ROBO2: variants seen among roughly 807,000 people sequenced by gnomAD.
The protein encoded by ROBO2 is roundabout homolog 2.
A neutral mutation model predicts 160.8 loss-of-function variants in ROBO2; 53 were observed. The ratio of observed to expected loss-of-function variants is 0.33; its 90% CI spans 0.26 to 0.41. The LOEUF (loss-of-function observed/expected upper bound fraction) is 0.41, where lower values mean the gene tolerates loss of function less well. Among genes scored for constraint, ROBO2 ranks in the 10% least tolerant of loss-of-function variants. The pLI, the probability that ROBO2 is intolerant of heterozygous loss-of-function variation, is 1.00. For missense variants in ROBO2, 1,577 were observed against 1,722.4 expected, an observed-to-expected ratio of 0.92 and a Z score of 1.49; for synonymous variants, 664 against 611.7, an observed-to-expected ratio of 1.09 and a Z score of -1.26.
chr3:76,192,908 T>C (rs1702083020), intron 2 of ROBO2, among the ~76,000 whole-genome samples: 1 of 152,172 alleles, frequency 6.6e-6, no homozygotes, highest in African/African-American at 2.4e-5. Flanking sequence ...TAGGTCAATT[T>C]ATGCTGCCCA....
chr3:76,731,478 A>G (rs550175988), intron 2 of ROBO2, among the ~76,000 whole-genome samples: 22 of 152,148 alleles, frequency 1.4e-4, no homozygotes, highest in Non-Finnish European at 2.8e-4. Context: ...TCTAGGACAC[A>G]AAATGTTTTT....
intron 2 of ROBO2, among the ~76,000 whole-genome samples, chr3:77,198,653 C>G (rs1207299361): frequency 6.6e-6 from 1 of 152,148 alleles, no homozygotes; most frequent in African/African-American, 2.4e-5. Context: ...GTAATCCCAG[C>G]AGTTTGGGAG....
At chr3:76,393,993 A>G (rs947728298) in intron 2 of ROBO2, among the ~76,000 whole-genome samples, 14 of 152,220 alleles carry the variant, frequency 9.2e-5, no homozygotes, top group African/African-American at 3.4e-4. Context: ...ATCTTCCTCC[A>G]TCCTTTTATT....
intron 2 of ROBO2, among the ~76,000 whole-genome samples, chr3:77,284,268 T>G (rs1580656877): frequency 6.6e-6 from 1 of 152,120 alleles, no homozygotes; most frequent in Non-Finnish European, 1.5e-5. Flanking sequence ...CAGGAGAAAT[T>G]TACTAACCCT....
intron 2 of ROBO2, among the ~76,000 whole-genome samples, chr3:76,007,788 A>G (rs913040312): frequency 6.6e-6 from 1 of 152,198 alleles, no homozygotes; most frequent in Non-Finnish European, 1.5e-5. Flanking sequence ...TAAAATGGAT[A>G]ATCTTTGTAA....
At chr3:77,345,139 C>T (rs1044719983) in intron 2 of ROBO2, among the ~76,000 whole-genome samples, 3 of 152,060 alleles carry the variant, frequency 2.0e-5, no homozygotes, top group African/African-American at 7.2e-5. Flanking sequence ...CTACAGTTAT[C>T]GAAACTGGCT....
intron 5 of ROBO2, among the ~76,000 whole-genome samples, chr3:77,509,951 G>T (rs1319144323): frequency 6.6e-6 from 1 of 152,042 alleles, no homozygotes; most frequent in Non-Finnish European, 1.5e-5. Context: ...GGGCTAAAGG[G>T]AGAGAGAGGT....
At chr3:76,988,146 G>T (rs1390989572) in intron 2 of ROBO2, among the ~76,000 whole-genome samples, 1 of 152,132 alleles carries the variant, frequency 6.6e-6, no homozygotes, top group Admixed American at 6.6e-5. Flanking sequence ...TAGAAAAGTA[G>T]ATTTTTAAAA....
chr3:75,981,163 G>T (rs141353684), intron 2 of ROBO2, among the ~76,000 whole-genome samples: 1 of 151,468 alleles, frequency 6.6e-6, no homozygotes, highest in East Asian at 1.9e-4. Flanking sequence ...GGGCCCATGT[G>T]TTTTTTCAGC....
At chr3:76,531,717 C>T (rs1278231025) in intron 2 of ROBO2, among the ~76,000 whole-genome samples, 1 of 149,274 alleles carries the variant, frequency 6.7e-6, no homozygotes, top group African/African-American at 2.5e-5. Context: ...TATATCAAGG[C>T]TTCTGATGCT....
In ROBO2 at chr3:76,225,608, G is replaced by A. The variant is rs145784159; in HGVS notation, c.109+288006G>A. Among the ~76,000 whole-genome samples, 79 of 152,178 alleles carry A rather than the reference G, an allele frequency of 5.2e-4. 1 individual carries two copies. Among genetic ancestry groups the A allele is most frequent in the African/African-American group, 7.7e-4 (32 of 41,516 alleles). On this transcript the variant is annotated intron_variant, in intron 2 of 26. Coordinates refer to the ROBO2 transcript ENST00000487694. Reference sequence around the variant, plus strand: ...CATGTGCCTGTAATCCCAGCTACTCGAGAGGCTGAGGTGGGAGAATCCTTG... The same window carrying A: ...CATGTGCCTGTAATCCCAGCTACTCAAGAGGCTGAGGTGGGAGAATCCTTG...
chr3:76,497,892 A>C lies in ROBO2; in HGVS notation c.109+560290A>C, dbSNP rs918115894. Reference sequence around the variant, plus strand: ...CATTCCCAGCATTTCCAGCATTCCCAGCCTGCTGGCCTGCCTTGCAGACCT... The same window carrying C: ...CATTCCCAGCATTTCCAGCATTCCCCGCCTGCTGGCCTGCCTTGCAGACCT... On this transcript the variant is annotated intron_variant, in intron 2 of 26. Transcript: ENST00000487694. Among the ~76,000 whole-genome samples, 35 of 152,300 alleles carry C rather than the reference A, an allele frequency of 2.3e-4. 1 individual carries two copies. Among genetic ancestry groups the C allele is most frequent in the Admixed American group, 3.9e-4 (6 of 15,294 alleles).
chr3:77,573,848 C>CT (rs145943149), intron 13 of ROBO2, among the ~76,000 whole-genome samples: 4,045 of 147,948 alleles, frequency 0.027, 117 homozygotes, highest in East Asian at 0.13. Flanking sequence ...TTTGTTTATG[C>CT]TTTTTTTTTT....
intron 2 of ROBO2, among the ~76,000 whole-genome samples, chr3:77,357,617 T>G (rs950346072): frequency 6.6e-6 from 1 of 152,190 alleles, no homozygotes; most frequent in African/African-American, 2.4e-5. Flanking sequence ...TGGTTTTGAA[T>G]CTTATTCATG....
At chr3:76,125,148 C>A (rs2070920809) in intron 2 of ROBO2, among the ~76,000 whole-genome samples, 2 of 152,126 alleles carry the variant, frequency 1.3e-5, no homozygotes, top group Non-Finnish European at 2.9e-5. Context: ...GCTTCCAGCT[C>A]TATCCATGTT....
intron 2 of ROBO2, among the ~76,000 whole-genome samples, chr3:76,409,235 T>A (rs931088128): frequency 1.3e-5 from 2 of 152,056 alleles, no homozygotes; most frequent in African/African-American, 4.8e-5. Context: ...AGATAAGTAA[T>A]GATCAGATCC....
chr3:76,273,639 AACTC>A (rs1283760871), intron 2 of ROBO2, among the ~76,000 whole-genome samples: 1 of 152,078 alleles, frequency 6.6e-6, no homozygotes, highest in Non-Finnish European at 1.5e-5. Flanking sequence ...ATCTCATGAG[AACTC>A]ACTCACGATC....
chr3:75,969,004 C>T (rs2064899430), intron 2 of ROBO2, among the ~76,000 whole-genome samples: 2 of 151,044 alleles, frequency 1.3e-5, no homozygotes, highest in Admixed American at 6.6e-5. Context: ...TTTTAGATAG[C>T]ACATACAAGC....
intron 2 of ROBO2, among the ~76,000 whole-genome samples, chr3:76,556,899 G>T (rs555363811): frequency 6.6e-6 from 1 of 151,976 alleles, no homozygotes; most frequent in South Asian, 2.1e-4. Context: ...TCACCTTTTC[G>T]ATGTTTGTTC....
Sources: gnomAD v4.1 joint callset for allele counts (sites outside exome capture counted in the v4.1 genomes callset) on GRCh38, gnomAD v4.1.1 for gene constraint, MANE v1.5 for transcripts, NCBI Gene and HGNC (gene_info 2026-07-23, HGNC 2026-07-21) for gene names.